OTUD7B: variants seen among roughly 807,000 people sequenced by gnomAD.
The protein encoded by OTUD7B is OTU deubiquitinase 7B.
In OTUD7B, 34 loss-of-function variants were observed where a neutral mutation model predicts 82.2. The ratio of observed to expected loss-of-function variants is 0.41; its 90% CI spans 0.31 to 0.55. OTUD7B has a LOEUF of 0.55. OTUD7B is among the 20% of genes least tolerant of loss of function. The probability of loss-of-function intolerance (pLI) is 0.20; values close to 1 mark genes in which losing one functional copy is unlikely to be tolerated. For missense variants in OTUD7B, 944 were observed against 1,062.1 expected (o/e 0.89, Z 1.55); for synonymous variants, 398 against 402.7 (o/e 0.99, Z 0.14).
the OTUD7B span, among the ~76,000 whole-genome samples, chr1:150,024,781 C>T: frequency 6.6e-6 from 1 of 152,218 alleles, no homozygotes; most frequent in Non-Finnish European, 1.5e-5. Flanking sequence ...GGCGTGGTGG[C>T]TCACGCCTGT....
chr1:150,022,996 A>G, the OTUD7B span, among the ~76,000 whole-genome samples: 36,504 of 152,158 alleles, frequency 0.24, 4,581 homozygotes, highest in East Asian at 0.34. Flanking sequence ...CTGGCAGTGT[A>G]GAACTGGGTA....
chr1:150,039,389 T>TTC, the OTUD7B span, among the ~76,000 whole-genome samples: 1 of 115,260 alleles, frequency 8.7e-6, no homozygotes, highest in African/African-American at 3.0e-5. Flanking sequence ...AAAAAAAAAT[T>TTC]TTTTTTGAGA....
chr1:149,986,237 TCACACACACACACACACA>T (rs34962941), intron 1 of OTUD7B, among the ~76,000 whole-genome samples: 1 of 136,544 alleles, frequency 7.3e-6, no homozygotes, highest in African/African-American at 2.8e-5. Flanking sequence ...TGGTACCCCA[TCACACACACACACACACA>T]CACACACACA....
the OTUD7B span, among the ~76,000 whole-genome samples, chr1:150,063,488 C>T: frequency 2.6e-5 from 4 of 152,172 alleles, no homozygotes; most frequent in Middle Eastern, 0.01. Flanking sequence ...GGAGTGGTTG[C>T]AATACAGAAA....
chr1:150,013,790 C>T (rs1432515313), upstream of OTUD7B, among the ~76,000 whole-genome samples: 2 of 150,336 alleles, frequency 1.3e-5, no homozygotes, highest in African/African-American at 2.4e-5. Flanking sequence ...GGCGAGGTGG[C>T]GGGCGCCTGT....
the OTUD7B span, among the ~76,000 whole-genome samples, chr1:150,033,817 G>T: frequency 6.6e-6 from 1 of 152,112 alleles, no homozygotes; most frequent in African/African-American, 2.4e-5. Context: ...CACCTCCCAG[G>T]TTTAAGCGAT....
At chr1:150,054,582 CAA>C in the OTUD7B span, 1 of 407,562 alleles carries the variant, frequency 2.5e-6, no homozygotes, top group Non-Finnish European at 4.8e-6. Flanking sequence ...CCAAAGCAGG[CAA>C]ATCACTTGAG....
At chr1:150,057,789 A>T in the OTUD7B span, among the ~76,000 whole-genome samples, 1 of 152,248 alleles carries the variant, frequency 6.6e-6, no homozygotes, top group Non-Finnish European at 1.5e-5. Flanking sequence ...CCAATAAAGT[A>T]CTTTTCATTA....
At chr1:150,035,144 C>CAA in the OTUD7B span, among the ~76,000 whole-genome samples, 18,990 of 146,668 alleles carry the variant, frequency 0.13, 1,375 homozygotes, top group Non-Finnish European at 0.17. Context: ...AACTTCATCT[C>CAA]AAAAAAAAAA....
chr1:150,007,362 A>G (rs1374804463), intron 1 of OTUD7B, among the ~76,000 whole-genome samples: 1 of 152,164 alleles, frequency 6.6e-6, no homozygotes, highest in African/African-American at 2.4e-5. Flanking sequence ...TAGCCTCCCA[A>G]GTCCATTTCA....
the OTUD7B span, among the ~76,000 whole-genome samples, chr1:150,061,916 G>T: frequency 6.6e-6 from 1 of 152,148 alleles, no homozygotes. Context: ...ACTCCTTCCA[G>T]ATCACATATA....
chr1:150,030,328 A>G, the OTUD7B span, among the ~76,000 whole-genome samples: 1 of 152,084 alleles, frequency 6.6e-6, no homozygotes, highest in Non-Finnish European at 1.5e-5. Context: ...AGCTGAATCT[A>G]TCCTTATCTC....
the OTUD7B span, among the ~76,000 whole-genome samples, chr1:150,015,877 T>C: frequency 1.3e-5 from 2 of 152,092 alleles, no homozygotes; most frequent in East Asian, 3.9e-4. Context: ...TGTGATAGAG[T>C]TCTGACCAAT....
intron 7 of OTUD7B, among the ~76,000 whole-genome samples, chr1:149,958,107 C>T (rs890910705): frequency 6.6e-6 from 1 of 152,122 alleles, no homozygotes; most frequent in Admixed American, 6.6e-5. Context: ...CCCTCTTCTG[C>T]GTCACTCATG....
intron 6 of OTUD7B, chr1:149,961,066 C>A (rs965639420): frequency 6.7e-6 from 1 of 149,282 alleles, no homozygotes; most frequent in Non-Finnish European, 1.5e-5. Context: ...AGAAGTGCTG[C>A]ATACAAAGCC....
the OTUD7B span, among the ~76,000 whole-genome samples, chr1:150,021,680 T>C: frequency 6.6e-6 from 1 of 152,184 alleles, no homozygotes; most frequent in Non-Finnish European, 1.5e-5. Context: ...ACCAGCCCAG[T>C]GGAATCCAAG....
At chr1:150,042,542 T>G in the OTUD7B span, among the ~76,000 whole-genome samples, 1 of 151,910 alleles carries the variant, frequency 6.6e-6, no homozygotes, top group East Asian at 1.9e-4. Context: ...TATACATATT[T>G]TTTTCCTCCC....
At chr1:150,034,733 T>C in the OTUD7B span, among the ~76,000 whole-genome samples, 2 of 152,354 alleles carry the variant, frequency 1.3e-5, no homozygotes, top group East Asian at 3.8e-4. Context: ...TTGGTATTGT[T>C]ATGCCATTAG....
At chr1:150,066,373 A>G in the OTUD7B span, among the ~76,000 whole-genome samples, 10 of 152,160 alleles carry the variant, frequency 6.6e-5, no homozygotes, top group African/African-American at 2.4e-4. The surrounding 1 kb of genome is among the most constrained non-coding windows in gnomAD (Gnocchi z 4.6). Flanking sequence ...TTCAAAACAC[A>G]TCTAAAAATT....
Sources: allele counts gnomAD v4.1 joint callset (sites outside exome capture counted in the v4.1 genomes callset), GRCh38; gene constraint gnomAD v4.1.1; non-coding constraint Gnocchi (gnomAD v3.1); transcripts MANE v1.5; gene names NCBI Gene and HGNC (gene_info 2026-07-23, HGNC 2026-07-21).